Variants in COMMD10 observed in about 807,000 individuals in gnomAD.
COMMD10 encodes the protein COMM domain-containing protein 10.
In COMMD10, 33 loss-of-function variants were observed where a neutral mutation model predicts 28.9. That is an observed-to-expected ratio of 1.14 (90% CI 0.87 to 1.53). COMMD10 has a LOEUF of 1.53. Ranked by LOEUF, COMMD10 falls within the 40% of genes most tolerant of loss-of-function variation. The probability of loss-of-function intolerance (pLI) is 0.00; values close to 1 mark genes in which losing one functional copy is unlikely to be tolerated. For synonymous variants in COMMD10, 110 were observed against 81.7 expected, an observed-to-expected ratio of 1.35 and a Z score of -1.87; for missense variants, 310 against 233.4, an observed-to-expected ratio of 1.33 and a Z score of -2.14.
At chr5:116,116,872 C>T (rs10478277) in intron 4 of COMMD10, among the ~76,000 whole-genome samples, 16,382 of 152,164 alleles carry the variant, frequency 0.11, 984 homozygotes, top group African/African-American at 0.15. Context: ...TTTAATTGTT[C>T]AGTCTGATGG....
chr5:116,205,735 G>A lies in COMMD10; in HGVS notation c.510+71557G>A, dbSNP rs185912590. On this transcript the variant is annotated intron_variant, in intron 5 of 6. Coordinates refer to ENST00000274458, the MANE Select transcript of COMMD10 (RefSeq NM_016144.4). ...AATTAAAAAATGAGGTCAAGATGGC[G>A]CCTTTTAAGAAATAAGTTGTTATAA... is the stretch of plus-strand genomic sequence containing the variant. 5.5e-4 allele frequency among the ~76,000 whole-genome samples: 83 copies of A among 152,086 alleles called. No homozygotes were observed. In the East Asian group the frequency reaches 9.3e-3, roughly 17 times the overall value.
At chr5:116,276,574 A>G (rs566392859) in intron 5 of COMMD10, among the ~76,000 whole-genome samples, 1 of 151,956 alleles carries the variant, frequency 6.6e-6, no homozygotes, top group East Asian at 1.9e-4. Flanking sequence ...AAAGTGTGTT[A>G]GTAGCATTAT....
chr5:116,191,259 C>A (rs1003805288), intron 5 of COMMD10, among the ~76,000 whole-genome samples: 2 of 152,066 alleles, frequency 1.3e-5, no homozygotes, highest in Non-Finnish European at 2.9e-5. Context: ...TCTAGCTGAA[C>A]TTTGTAACAA....
chr5:116,218,912 A>G (rs570153726), intron 5 of COMMD10, among the ~76,000 whole-genome samples: 2 of 152,262 alleles, frequency 1.3e-5, no homozygotes, highest in African/African-American at 4.8e-5. Flanking sequence ...CAAAATTTGT[A>G]TGTTGAAGCT....
intron 5 of COMMD10, among the ~76,000 whole-genome samples, chr5:116,260,091 GGGAAA>G (rs1032285855): frequency 1.1e-4 from 16 of 151,634 alleles, no homozygotes; most frequent in African/African-American, 3.6e-4. Flanking sequence ...GGAATTTGAG[GGGAAA>G]GGAAAGAGGT....
intron 5 of COMMD10, among the ~76,000 whole-genome samples, chr5:116,148,139 C>T (rs1490715821): frequency 6.6e-6 from 1 of 151,772 alleles, no homozygotes; most frequent in Non-Finnish European, 1.5e-5. Flanking sequence ...CTAAAGTGAT[C>T]AAGAAGATTT....
In COMMD10 at chr5:116,263,814, A is replaced by C. The variant is rs1393908432; in HGVS notation, c.511-27703A>C. On this transcript the variant is annotated intron_variant, in intron 5 of 6. Transcript: ENST00000274458. ...CCAAACCAGTGTATTTCTTAAATCT[A>C]TTTGATTGATATCTCATGCCTCCCT... is the stretch of plus-strand genomic sequence containing the variant. 1.3e-5 allele frequency among the ~76,000 whole-genome samples: 2 copies of C among 151,786 alleles called. 1 individual carries two copies. Among genetic ancestry groups the C allele is most frequent in the Middle Eastern group, 6.8e-3 (2 of 294 alleles).
rs142821803 is a variant in COMMD10, at chr5:116,131,716, T to C, written c.400-2352T>C. ...GAGATTGCACTCTACTCTGAGGAGA[T>C]AGACATGTAGACAAATTATTGCAAT... On this transcript the variant is annotated intron_variant, in intron 4 of 6. Coordinates refer to ENST00000274458, the MANE Select transcript of COMMD10 (RefSeq NM_016144.4). 1.5e-4 allele frequency among the ~76,000 whole-genome samples: 23 copies of C among 152,028 alleles called. No individual in the cohort carries two copies. In the East Asian group the frequency reaches 4.1e-3, roughly 27 times the overall value.
chr5:116,235,487 C>T (rs1216063070), intron 5 of COMMD10, among the ~76,000 whole-genome samples: 4 of 152,168 alleles, frequency 2.6e-5, no homozygotes, highest in African/African-American at 7.2e-5. Context: ...TCATCTATTA[C>T]AGTTTTCTCC....
chr5:116,289,399 G>A lies in COMMD10; in HGVS notation c.511-2118G>A, dbSNP rs184419181. Among the ~76,000 whole-genome samples, 48 of 151,918 alleles carry A rather than the reference G, an allele frequency of 3.2e-4. 1 individual carries two copies. The highest frequency in any genetic ancestry group is 1.1e-3 in the African/African-American group (45 of 41,256). ...CTTTGCATACTGGCTTTGTGCAGGG[G>A]AAGACCTTCACTAATACCCCAGCTG... On this transcript the variant is annotated intron_variant, in intron 5 of 6. Transcript: ENST00000274458.
chr5:116,123,116 G>T (rs1751499546), intron 4 of COMMD10, among the ~76,000 whole-genome samples: 1 of 152,032 alleles, frequency 6.6e-6, no homozygotes, highest in African/African-American at 2.4e-5. Context: ...CTGTGGGTTT[G>T]TCATAAATAG....
chr5:116,163,651 A>G (rs1752997166), intron 5 of COMMD10, among the ~76,000 whole-genome samples: 1 of 152,118 alleles, frequency 6.6e-6, no homozygotes, highest in Non-Finnish European at 1.5e-5. Context: ...TATCTTGATG[A>G]TTTTGTGAAT....
chr5:116,264,298 G>C lies in COMMD10; in HGVS notation c.511-27219G>C, dbSNP rs189585633. On this transcript the variant is annotated intron_variant, in intron 5 of 6. Coordinates refer to ENST00000274458, the MANE Select transcript of COMMD10 (RefSeq NM_016144.4). ...TAAACTGTAATTCAGGTCAAATTTCGAATATACGTATGAAGGCACAAAAGT... is the reference window on the plus strand; with the variant it reads ...TAAACTGTAATTCAGGTCAAATTTCCAATATACGTATGAAGGCACAAAAGT... Among the ~76,000 whole-genome samples, 253 of 151,822 alleles carry C rather than the reference G, an allele frequency of 1.7e-3. 6 individuals carry two copies. Among genetic ancestry groups the C allele is most frequent in the African/African-American group, 5.8e-3 (238 of 41,242 alleles).
chr5:116,145,849 T>C (rs1752333839), intron 5 of COMMD10, among the ~76,000 whole-genome samples: 1 of 151,920 alleles, frequency 6.6e-6, no homozygotes, highest in South Asian at 2.1e-4. Flanking sequence ...TCTTGCTTCC[T>C]CTTCGCCTTC....
At chr5:116,288,100 A>G (rs1751266962) in intron 5 of COMMD10, among the ~76,000 whole-genome samples, 1 of 151,658 alleles carries the variant, frequency 6.6e-6, no homozygotes, top group African/African-American at 2.4e-5. Flanking sequence ...TTCCTTTAGC[A>G]TTTTGTATAG....
intron 5 of COMMD10, among the ~76,000 whole-genome samples, chr5:116,152,900 A>G (rs1440616876): frequency 1.3e-5 from 2 of 152,104 alleles, no homozygotes; most frequent in Admixed American, 1.3e-4. Context: ...TTTTTTTGCT[A>G]TAAACAGATG....
At position 116,152,710 on chromosome 5, in the gene COMMD10, T is replaced by C. The variant is rs189132945; in HGVS notation, c.510+18532T>C. Among the ~76,000 whole-genome samples the C allele has an allele frequency of 4.3e-3, 656 of 152,200 alleles. 2 individuals carry two copies. Among genetic ancestry groups the C allele is most frequent in the African/African-American group, 6.8e-3 (282 of 41,554 alleles). ...TTTAAAATGAGAAACCAGAAGTTTT[T>C]CTCCTTCATGTTAAGGGATGGTCCA... is the stretch of plus-strand genomic sequence containing the variant. On this transcript the variant is annotated intron_variant, in intron 5 of 6. Transcript: ENST00000274458.
At chr5:116,132,479 T>G (rs1265465566) in intron 4 of COMMD10, among the ~76,000 whole-genome samples, 2 of 152,178 alleles carry the variant, frequency 1.3e-5, no homozygotes, top group African/African-American at 2.4e-5. Context: ...TAAGCATACA[T>G]TAGTTAATAT....
intron 5 of COMMD10, among the ~76,000 whole-genome samples, chr5:116,167,475 A>G (rs1403149330): frequency 6.6e-6 from 1 of 152,122 alleles, no homozygotes; most frequent in African/African-American, 2.4e-5. Context: ...ACAACATTCA[A>G]ATTCAGGAAA....
Sources: gnomAD v4.1 joint callset for allele counts (sites outside exome capture counted in the v4.1 genomes callset) on GRCh38, gnomAD v4.1.1 for gene constraint, MANE v1.5 for transcripts, NCBI Gene and HGNC (gene_info 2026-07-23, HGNC 2026-07-21) for gene names.